The following RALGAPA2 variants were observed in gnomAD, a reference collection of about 807,000 sequenced individuals.
The protein encoded by RALGAPA2 is Ral GTPase activating protein catalytic subunit alpha 2, also known as ral GTPase-activating protein subunit alpha-2.
A neutral mutation model predicts 230.4 loss-of-function variants in RALGAPA2; 139 were observed. That is an observed-to-expected ratio of 0.60 (90% CI 0.53 to 0.69). The LOEUF (loss-of-function observed/expected upper bound fraction) is 0.69, where lower values mean the gene tolerates loss of function less well. Ranked by LOEUF, RALGAPA2 falls within the 30% of genes least tolerant of loss-of-function variation. The pLI, the probability that RALGAPA2 is intolerant of heterozygous loss-of-function variation, is 0.00. For missense variants in RALGAPA2, 2,163 were observed against 2,276.0 expected (o/e 0.95, Z 1.01); for synonymous variants, 847 against 837.8 (o/e 1.01, Z -0.19).
At chr20:20,608,027 C>T (rs916609692) in intron 14 of RALGAPA2, among the ~76,000 whole-genome samples, 1 of 152,110 alleles carries the variant, frequency 6.6e-6, no homozygotes, top group African/African-American at 2.4e-5. Context: ...GCCTGGACTA[C>T]CCTGGTTTGT....
In RALGAPA2 at chr20:20,641,032, C is replaced by T. The variant is rs542459679; in HGVS notation, c.373-154G>A. Among the ~76,000 whole-genome samples, 33 of 152,254 alleles carry T rather than the reference C, an allele frequency of 2.2e-4. No individual in the cohort carries two copies. The South Asian group carries it at 6.2e-3, about 29-fold the overall frequency. ...ACTTAGTGACAAATAAGCAAAGATG[C>T]TGCAATACAGCACAAGAGTTAAGAG... On this transcript the variant is annotated intron_variant, in intron 5 of 39. Transcript: ENST00000202677.
chr20:20,695,649 G>T (rs922540570), intron 1 of RALGAPA2, among the ~76,000 whole-genome samples: 1 of 152,168 alleles, frequency 6.6e-6, no homozygotes, highest in African/African-American at 2.4e-5. Context: ...TTGTCCTCCT[G>T]TATGTAGCTA....
At chr20:20,543,453 C>T (rs1745458429) in intron 24 of RALGAPA2, among the ~76,000 whole-genome samples, 5 of 152,136 alleles carry the variant, frequency 3.3e-5, no homozygotes, top group Admixed American at 2.0e-4. Context: ...CGGCACTATT[C>T]ACAATAGCAA....
Position 20,449,766 on chromosome 20 carries a change from A to G in RALGAPA2, c.5495+23063T>C, listed in dbSNP as rs533864647. On this transcript the variant is annotated intron_variant, in intron 37 of 39. Transcript: ENST00000202677. ...ATCATTTTGATATTAAAAATTTCCT[A>G]TAAATATATGCTGTTGTCTGGAACT... 4.6e-5 allele frequency among the ~76,000 whole-genome samples: 7 copies of G among 152,348 alleles called. No individual in the cohort carries two copies. In the South Asian group the frequency reaches 6.2e-4, roughly 14 times the overall value.
At position 20,392,205 on chromosome 20, in the gene RALGAPA2, C is replaced by G. The variant is rs971210065; in HGVS notation, c.*1084G>C. The stretch of plus-strand genomic sequence containing the variant: ...TTTTAAGAAAAAAAAACAACAACAA[C>G]AAAAAAACAGGTCTAATAAGCCTTC... On this transcript the variant is annotated 3_prime_UTR_variant, in exon 40 of 40. Coordinates refer to ENST00000202677, the MANE Select transcript of RALGAPA2 (RefSeq NM_020343.4). The G allele has an allele frequency of 6.6e-6, 1 of 151,968 alleles. No individual in the cohort carries two copies. The highest frequency in any genetic ancestry group is 1.5e-5 in the Non-Finnish European group (1 of 68,024). 9.4% of individuals were successfully genotyped at this position (151,968 alleles called of 1,614,324 possible). A position where few individuals can be genotyped will look rare whatever the true frequency, so the allele number is the denominator to read the frequency against.
intron 33 of RALGAPA2, among the ~76,000 whole-genome samples, chr20:20,506,854 TA>T (rs1196868230): frequency 6.6e-6 from 1 of 152,206 alleles, no homozygotes; most frequent in Non-Finnish European, 1.5e-5. Context: ...GTCATACAAA[TA>T]ACTGGAGGAA....
At chr20:20,480,453 T>C (rs1372836909) in intron 36 of RALGAPA2, among the ~76,000 whole-genome samples, 2 of 152,186 alleles carry the variant, frequency 1.3e-5, no homozygotes. Context: ...CCATAAGGTA[T>C]GGTATGTCCT....
intron 24 of RALGAPA2, among the ~76,000 whole-genome samples, chr20:20,537,130 G>C (rs890744612): frequency 1.3e-5 from 2 of 152,122 alleles, no homozygotes; most frequent in African/African-American, 4.8e-5. Flanking sequence ...ATACCATTTT[G>C]CTGTTAAGAA....
intron 36 of RALGAPA2, among the ~76,000 whole-genome samples, chr20:20,475,189 G>A (rs555020905): frequency 6.6e-6 from 1 of 152,272 alleles, no homozygotes; most frequent in Non-Finnish European, 1.5e-5. Context: ...CCTTTTCTGT[G>A]GTTGGCATTG....
chr20:20,561,671 T>C (rs2064261702), intron 23 of RALGAPA2, among the ~76,000 whole-genome samples: 1 of 152,238 alleles, frequency 6.6e-6, no homozygotes, highest in Non-Finnish European at 1.5e-5. Context: ...GGTTAAATTT[T>C]TGTATGCATT....
intron 3 of RALGAPA2, among the ~76,000 whole-genome samples, chr20:20,668,330 G>A (rs1603227847): frequency 6.6e-6 from 1 of 152,166 alleles, no homozygotes. Context: ...TTGAACCCAT[G>A]AGGCGGAGGT....
At chr20:20,688,689 CCATT>C (rs2068791297) in intron 1 of RALGAPA2, among the ~76,000 whole-genome samples, 1 of 152,172 alleles carries the variant, frequency 6.6e-6, no homozygotes, top group Non-Finnish European at 1.5e-5. Flanking sequence ...TGTCAGGTCT[CCATT>C]CAGCCAAAGC....
intron 38 of RALGAPA2, among the ~76,000 whole-genome samples, chr20:20,407,958 C>G (rs138950546): frequency 1.1e-3 from 165 of 152,260 alleles, no homozygotes; most frequent in African/African-American, 3.7e-3. Flanking sequence ...AATTTTCTCC[C>G]ACTTGTTCTA....
At chr20:20,619,175 T>C in intron 12 of RALGAPA2, 102 bp downstream of exon 12, 3 of 1,146,116 alleles carry the variant, frequency 2.6e-6, no homozygotes, top group Non-Finnish European at 3.4e-6. Context: ...TGGCTACAAA[T>C]ACCACCATAC....
At chr20:20,609,226 T>C (rs2065908390) in intron 14 of RALGAPA2, among the ~76,000 whole-genome samples, 1 of 152,172 alleles carries the variant, frequency 6.6e-6, no homozygotes, top group South Asian at 2.1e-4. Context: ...TTTGAATTCA[T>C]GGGCTCAAGC....
intron 34 of RALGAPA2, chr20:20,504,816 GA>G (rs1275952730): frequency 5.1e-6 from 1 of 196,368 alleles, no homozygotes; most frequent in African/African-American, 2.4e-5. Flanking sequence ...CAGATTCTAG[GA>G]ATTTTTTTTT....
intron 37 of RALGAPA2, 171 bp downstream of exon 37, chr20:20,472,658 A>T: frequency 1.9e-6 from 1 of 529,158 alleles, no homozygotes; most frequent in Non-Finnish European, 3.1e-6. Context: ...TATTATATTT[A>T]ATATAAATTA....
At chr20:20,471,372 T>C (rs1434839731) in intron 37 of RALGAPA2, 1 of 151,080 alleles carries the variant, frequency 6.6e-6, no homozygotes, top group Non-Finnish European at 1.5e-5. Context: ...AAAGTCACAA[T>C]GGAATTAATA....
chr20:20,447,618 T>C (rs1246434860), intron 37 of RALGAPA2, among the ~76,000 whole-genome samples: 1 of 151,730 alleles, frequency 6.6e-6, no homozygotes, highest in Non-Finnish European at 1.5e-5. Flanking sequence ...TTAGGTTGAA[T>C]TATATCAAAT....
Sources: allele counts gnomAD v4.1 joint callset (sites outside exome capture counted in the v4.1 genomes callset), GRCh38; gene constraint gnomAD v4.1.1; transcripts MANE v1.5; gene names NCBI Gene and HGNC (gene_info 2026-07-23, HGNC 2026-07-21).